Variants in HIF3A observed in about 807,000 individuals in gnomAD.
HIF3A encodes the protein hypoxia-inducible factor 3-alpha.
A neutral mutation model predicts 67.2 loss-of-function variants in HIF3A; 41 were observed. The ratio of observed to expected loss-of-function variants is 0.61; its 90% CI spans 0.48 to 0.79. The LOEUF (loss-of-function observed/expected upper bound fraction) is 0.79. HIF3A is among the 30% of genes least tolerant of loss of function. HIF3A has a pLI of 0.00. For synonymous variants in HIF3A, 356 were observed against 374.8 expected, an observed-to-expected ratio of 0.95 and a Z score of 0.58; for missense variants, 855 against 898.0, an observed-to-expected ratio of 0.95 and a Z score of 0.61.
At chr19:46,320,728 C>G (rs1018399816) in intron 9 of HIF3A, among the ~76,000 whole-genome samples, 167 bp downstream of exon 9, 7 of 152,232 alleles carry the variant, frequency 4.6e-5, no homozygotes, top group African/African-American at 1.7e-4. Context: ...CCTTGGAACA[C>G]TCCAGCCTCG....
intron 6 of HIF3A, among the ~76,000 whole-genome samples, chr19:46,309,831 A>G (rs1969272849): frequency 6.6e-6 from 1 of 152,172 alleles, no homozygotes; most frequent in African/African-American, 2.4e-5. Context: ...TCACACCGGC[A>G]GTACCAGCAC....
At chr19:46,336,534 T>C (rs1049636163) in intron 14 of HIF3A, among the ~76,000 whole-genome samples, 1 of 151,840 alleles carries the variant, frequency 6.6e-6, no homozygotes, top group Non-Finnish European at 1.5e-5. Context: ...CACTTGACTT[T>C]GTGTGTTTGT....
intron 14 of HIF3A, chr19:46,338,131 T>C: frequency 2.2e-6 from 1 of 451,096 alleles, no homozygotes; most frequent in South Asian, 1.6e-5. Context: ...GATTCATCCA[T>C]CCTGGTCACT....
chr19:46,308,884 C>A, intron 5 of HIF3A, 109 bp downstream of exon 5: 1 of 771,738 alleles, frequency 1.3e-6, no homozygotes, highest in Non-Finnish European at 2.1e-6. Flanking sequence ...GGGGACCCTG[C>A]GGGGCTCACT....
chr19:46,312,541 C>G lies in HIF3A; in HGVS notation c.913C>G (p.Arg305Gly), dbSNP rs1226007364. 3 of 1,613,868 alleles carry G rather than the reference C, an allele frequency of 1.9e-6. No homozygotes were observed. Among genetic ancestry groups the G allele is most frequent in the Non-Finnish European group, 2.5e-6 (3 of 1,180,006 alleles). The change falls in exon 8 of 15, where the codon CGC becomes GGC. Residue 305 changes from arginine to glycine, a missense_variant. Arg to Gly is a moderately radical substitution (Grantham distance 125). Transcript: ENST00000377670. Reference sequence around the variant, plus strand: ...GGGCCAGGCAGTAACAGGGCAGTATCGCTTCCTGGCCCGGAGTGGTGGCTA... The same window carrying G: ...GGGCCAGGCAGTAACAGGGCAGTATGGCTTCCTGGCCCGGAGTGGTGGCTA... ...SKGQAVTGQY[R>G]FLARSGGYLW...
intron 10 of HIF3A, 129 bp downstream of exon 10, chr19:46,322,095 A>G: frequency 1.1e-6 from 1 of 902,376 alleles, no homozygotes; most frequent in African/African-American, 1.7e-5. Context: ...GGAGGTTGGG[A>G]TGAGATGGGG....
chr19:46,333,040 A>G (rs933234966), intron 13 of HIF3A, among the ~76,000 whole-genome samples: 3 of 151,666 alleles, frequency 2.0e-5, no homozygotes, highest in Non-Finnish European at 2.9e-5. Context: ...GTGTGTATAT[A>G]TATGTATATA....
chr19:46,324,790 G>A (rs1367450922), intron 10 of HIF3A, among the ~76,000 whole-genome samples: 3 of 150,948 alleles, frequency 2.0e-5, no homozygotes, highest in African/African-American at 4.9e-5. Flanking sequence ...GGAGGTGGAG[G>A]TTGCAGTGAG....
At chr19:46,315,743 G>A (rs138478332) in intron 8 of HIF3A, among the ~76,000 whole-genome samples, 3,132 of 150,404 alleles carry the variant, frequency 0.021, 60 homozygotes, top group Non-Finnish European at 0.027. Flanking sequence ...GCGAAACACC[G>A]TCTCCACTGA....
At chr19:46,334,756 A>G in intron 13 of HIF3A, 149 bp from the exon 14 acceptor site, 1 of 553,972 alleles carries the variant, frequency 1.8e-6, no homozygotes. Context: ...TATCTTGCCC[A>G]GGCTGGTCTC....
At chr19:46,322,123 C>T (rs995391676) in intron 10 of HIF3A, among the ~76,000 whole-genome samples, 157 bp downstream of exon 10, 6 of 152,266 alleles carry the variant, frequency 3.9e-5, no homozygotes, top group Admixed American at 6.5e-5. Flanking sequence ...TCCTTTAAGA[C>T]GCAGATCCAG....
Position 46,317,760 on chromosome 19 carries a change from G to A in HIF3A, c.1026-2683G>A, listed in dbSNP as rs78786805. Among the ~76,000 whole-genome samples the A allele has an allele frequency of 1.4e-3, 213 of 152,124 alleles. 3 individuals are homozygous for A. The highest frequency in any genetic ancestry group is 4.6e-3 in the African/African-American group (189 of 41,494). On this transcript the variant is annotated intron_variant, in intron 8 of 14. Coordinates refer to ENST00000377670, the MANE Select transcript of HIF3A (RefSeq NM_152795.4). ...CCTATTAACTTGTGTGTTCAGCCAG[G>A]CCTTCTTCGATCGTCCTTTTCAAAA...
At chr19:46,325,723 T>C (rs1970736659) in intron 11 of HIF3A, 84 bp downstream of exon 11, 2 of 885,196 alleles carry the variant, frequency 2.3e-6, no homozygotes. Flanking sequence ...GGTAGTGGGA[T>C]GGTTAAAGGA....
intron 13 of HIF3A, among the ~76,000 whole-genome samples, chr19:46,332,269 C>T (rs774875113): frequency 1.3e-5 from 2 of 152,054 alleles, no homozygotes; most frequent in Non-Finnish European, 2.9e-5. Flanking sequence ...CGCTGTGGCT[C>T]ACGCCTATAT....
chr19:46,310,533 C>CA (rs1969338196), intron 6 of HIF3A: 1 of 451,578 alleles, frequency 2.2e-6, no homozygotes, highest in African/African-American at 2.0e-5. Context: ...GCCCTGGTGT[C>CA]ATGCTTAGGA....
intron 9 of HIF3A, 110 bp downstream of exon 9, chr19:46,320,671 C>G: frequency 1.3e-6 from 1 of 747,564 alleles, no homozygotes; most frequent in Non-Finnish European, 2.2e-6. Context: ...CCTCCTGCCT[C>G]CCTTCCCTGC....
rs2147347529 is a variant in HIF3A, at chr19:46,343,116, C to G, written c.*3494C>G. ...TCAGCTGTCTGCCACCATCTATGTG[C>G]CTCCCTTACCCCCCAGCTTTCTTTC... On this transcript the variant is annotated 3_prime_UTR_variant, in exon 15 of 15. Transcript: ENST00000377670. 1 of 152,978 alleles carries G rather than the reference C, an allele frequency of 6.5e-6. No individual in the cohort carries two copies. The highest frequency in any genetic ancestry group is 2.4e-5 in the African/African-American group (1 of 41,576). 9.5% of individuals were successfully genotyped at this position (152,978 alleles called of 1,614,324 possible).
intron 3 of HIF3A, among the ~76,000 whole-genome samples, chr19:46,307,210 T>C (rs1968930741): frequency 6.6e-6 from 1 of 152,216 alleles, no homozygotes; most frequent in Non-Finnish European, 1.5e-5. Flanking sequence ...TTACTTGTTA[T>C]ATTGTTGTTA....
At chr19:46,314,771 C>T (rs933509013) in intron 8 of HIF3A, among the ~76,000 whole-genome samples, 1 of 146,560 alleles carries the variant, frequency 6.8e-6, no homozygotes, top group Non-Finnish European at 1.5e-5. Flanking sequence ...GTTGGCCAGG[C>T]TGGTCTCGAA....
Sources: gnomAD v4.1 joint callset for allele counts (sites outside exome capture counted in the v4.1 genomes callset) on GRCh38, gnomAD v4.1.1 for gene constraint, MANE v1.5 for transcripts, NCBI Gene and HGNC (gene_info 2026-07-23, HGNC 2026-07-21) for gene names.